Variants in RSPH4A observed in about 807,000 individuals in gnomAD.
RSPH4A encodes radial spoke head component 4A.
In RSPH4A, 47 loss-of-function variants were observed where a neutral mutation model predicts 71.0. The observed-to-expected ratio is 0.66, with a 90% CI of 0.52 to 0.84. The LOEUF is 0.84. Among genes scored for constraint, RSPH4A ranks in the 40% least tolerant of loss-of-function variants. The pLI is 0.00. For missense variants in RSPH4A, 793 were observed against 855.2 expected, an observed-to-expected ratio of 0.93 and a Z score of 0.91; for synonymous variants, 282 against 302.3, an observed-to-expected ratio of 0.93 and a Z score of 0.70.
In RSPH4A at chr6:116,632,296, A is replaced by AC. The variant is rs1400425886; in HGVS notation, c.2010dup (p.Ser671GlnfsTer10). The AC allele has an allele frequency of 3.1e-6, 5 of 1,613,348 alleles. No homozygotes were observed. The highest frequency in any genetic ancestry group is 4.5e-5 in the East Asian group (2 of 44,878). On this transcript the variant is annotated frameshift_variant, in exon 6 of 6. Transcript: ENST00000229554. LOFTEE classifies it high-confidence loss of function. ...GTTCCACCACCAGTTTATCAAGAAT[A>AC]CCCCAGTGGACCAGAAATTACAGAA... is the stretch of plus-strand genomic sequence containing the variant.
chr6:116,629,568 G>C lies in RSPH4A; in HGVS notation c.1664G>C (p.Gly555Ala). Reference protein sequence around the residue: ...VHHVQHILSQGRCNWFNSIQK... With the variant: ...VHHVQHILSQARCNWFNSIQK... ...AAATCTTGCAACATTCATTCCCAGG[G>C]TCGCTGTAATTGGTTCAACTCCATA... The change falls in exon 4 of 6, where the codon GGT becomes GCT. Residue 555 changes from glycine to alanine, a missense_variant and splice_region_variant. Transcript: ENST00000229554. 6.2e-7 allele frequency: 1 copy of C among 1,612,842 alleles called. No individual in the cohort carries two copies. The highest frequency in any genetic ancestry group is 8.5e-7 in the Non-Finnish European group (1 of 1,179,068).
In RSPH4A at chr6:116,628,346, C is replaced by T; in HGVS notation, c.1639C>T (p.His547Tyr). The change falls in exon 3 of 6, where the codon CAT becomes TAT. Residue 547 changes from histidine to tyrosine, a missense_variant. Coordinates refer to ENST00000229554, the MANE Select transcript of RSPH4A (RefSeq NM_001010892.3). ...LVESLSNWVH[H>Y]VQHILSQGRC... ...AGAATCCCTATCCAATTGGGTTCAT[C>T]ATGTACAGCATATTCTCTCTCAGGT... 1.2e-6 allele frequency: 2 copies of T among 1,612,696 alleles called. No homozygotes were observed. Among genetic ancestry groups the T allele is most frequent in the South Asian group, 2.2e-5 (2 of 91,012 alleles).
At chr6:116,618,864 A>G (rs532263849) in intron 1 of RSPH4A, among the ~76,000 whole-genome samples, 103 of 152,288 alleles carry the variant, frequency 6.8e-4, no homozygotes, top group African/African-American at 2.4e-3. Flanking sequence ...CACACTTCCA[A>G]TGCCAATTAC....
chr6:116,625,066 GTGGCTTAAGGATAA>G (rs1775672620), intron 2 of RSPH4A, among the ~76,000 whole-genome samples: 1 of 18,634 alleles, frequency 5.4e-5, no homozygotes, highest in African/African-American at 1.9e-3. Context: ...GGATAATCAA[GTGGCTTAAGGATAA>G]TCAAGTGGCT....
In RSPH4A at chr6:116,629,626, T is replaced by C. The variant is rs971551924; in HGVS notation, c.1722T>C (p.Asp574=). ...QKNEEEEEEE[D]EEKDDSDYIE... is the part of the protein sequence containing the mutation. ...ATGAGGAAGAAGAAGAGGAAGAAGA[T>C]GAAGAAAAAGACGATTCTGACTACA... Residue 574 remains aspartate (D), a synonymous_variant, in exon 4 of 6, where the codon GAT becomes GAC. Transcript: ENST00000229554. The C allele has an allele frequency of 6.2e-7, 1 of 1,612,780 alleles. No individual in the cohort carries two copies.
rs933486388 is a variant in RSPH4A at position 116,616,512 on chromosome 6, C to G, written c.-112C>G. ...AGGACGCAGCAACTCACAGAGCAACCAGGACCCAGAAATCGCTTAAGAGAC... is the reference window on the plus strand; with the variant it reads ...AGGACGCAGCAACTCACAGAGCAACGAGGACCCAGAAATCGCTTAAGAGAC... On this transcript the variant is annotated 5_prime_UTR_variant, in exon 1 of 6. Coordinates refer to ENST00000229554, the MANE Select transcript of RSPH4A (RefSeq NM_001010892.3). The G allele has an allele frequency of 2.1e-5, 20 of 947,748 alleles. No individual in the cohort carries two copies. Among genetic ancestry groups the G allele is most frequent in the Non-Finnish European group, 2.8e-5 (17 of 601,348 alleles). The allele number at this position is 947,748 out of a possible 1,614,324, so 58.7% of individuals were successfully genotyped here.
At chr6:116,629,778 G>A (rs2115364702) in intron 4 of RSPH4A, 76 bp downstream of exon 4, 2 of 1,380,674 alleles carry the variant, frequency 1.4e-6, no homozygotes, top group East Asian at 2.3e-5. Context: ...TAGTAAATAT[G>A]AGAGTCGGAA....
Position 116,616,870 on chromosome 6 carries a change from G to A in RSPH4A, c.247G>A (p.Ala83Thr). The A allele has an allele frequency of 6.2e-7, 1 of 1,614,152 alleles. No individual in the cohort carries two copies. Among genetic ancestry groups the A allele is most frequent in the South Asian group, 1.1e-5 (1 of 91,078 alleles). Residue 83 changes from alanine to threonine, a missense_variant, in exon 1 of 6, where the codon GCT (alanine) becomes ACT (threonine). By Grantham distance (58) the Ala-to-Thr change is moderately conservative (BLOSUM62 0). Transcript: ENST00000229554. ...CGCGGGACCAGAAACATCATCACCT[G>A]CTCCTGTCTCTCCGCGGGAGCCCTC... is the stretch of plus-strand genomic sequence containing the variant. ...GPAGPETSSP[A>T]PVSPREPSSS...
intron 5 of RSPH4A, 100 bp downstream of exon 5, chr6:116,630,652 G>GT (rs1775782351): frequency 1.8e-5 from 9 of 502,596 alleles, no homozygotes; most frequent in African/African-American, 1.3e-4. Context: ...TTGTTTCTTT[G>GT]GTTTTTTTTT....
intron 2 of RSPH4A, 101 bp from the exon 3 acceptor site, chr6:116,627,525 AAAG>A: frequency 1.0e-6 from 1 of 971,234 alleles, no homozygotes; most frequent in Non-Finnish European, 1.7e-6. Context: ...GAGAAATGTC[AAAG>A]AAGTGGTGGA....
rs145831200 is a variant in RSPH4A at position 116,616,860 on chromosome 6, A to G, written c.237A>G (p.Thr79=). ...TGGGTGGCCCCGCGGGACCAGAAAC[A>G]TCATCACCTGCTCCTGTCTCTCCGC... ...TPLGGPAGPE[T]SSPAPVSPRE... The change falls in exon 1 of 6, where the codon ACA becomes ACG. Residue 79 remains threonine, a synonymous_variant. Transcript: ENST00000229554. 112 of 1,613,962 alleles carry G rather than the reference A, an allele frequency of 6.9e-5. No individual in the cohort carries two copies. Among genetic ancestry groups the G allele is most frequent in the Middle Eastern group, 1.6e-4 (1 of 6,084 alleles).
chr6:116,617,216 G>A lies in RSPH4A; in HGVS notation c.593G>A (p.Gly198Glu), dbSNP rs773168644. Residue 198 changes from glycine to glutamate, a missense_variant, in exon 1 of 6, where the codon GGG becomes GAG. Coordinates refer to ENST00000229554, the MANE Select transcript of RSPH4A (RefSeq NM_001010892.3). The part of the protein sequence containing the change: ...SDYDLQQPAP[G>E]GSEVAPSMLE... The stretch of plus-strand genomic sequence containing the variant: ...TATGATTTACAGCAGCCGGCGCCTG[G>A]GGGCTCTGAAGTGGCCCCCAGCATG... 5 of 1,614,144 alleles carry A rather than the reference G, an allele frequency of 3.1e-6. No homozygotes were observed. Among genetic ancestry groups the A allele is most frequent in the East Asian group, 2.2e-5 (1 of 44,874 alleles).
chr6:116,629,939 C>T (rs1562392595), intron 4 of RSPH4A, among the ~76,000 whole-genome samples: 2 of 152,162 alleles, frequency 1.3e-5, no homozygotes, highest in Non-Finnish European at 2.9e-5. Flanking sequence ...TTGGCTGTAG[C>T]GCTTTCTGGA....
At chr6:116,629,811 C>A in intron 4 of RSPH4A, 109 bp downstream of exon 4, 2 of 1,001,922 alleles carry the variant, frequency 2.0e-6, no homozygotes, top group Non-Finnish European at 3.1e-6. Flanking sequence ...TGGACAGGAG[C>A]CAAGGTCTCA....
chr6:116,625,579 G>GA (rs1775681080), intron 2 of RSPH4A, among the ~76,000 whole-genome samples: 1 of 27,698 alleles, frequency 3.6e-5, no homozygotes, highest in Admixed American at 3.8e-4. Flanking sequence ...AATGGGGCCA[G>GA]AGGAGAACGT....
At chr6:116,624,415 C>T (rs1298055498) in intron 2 of RSPH4A, among the ~76,000 whole-genome samples, 1 of 152,106 alleles carries the variant, frequency 6.6e-6, no homozygotes, top group Admixed American at 6.5e-5. Flanking sequence ...AGAATGGGTG[C>T]CCTTTATAGG....
chr6:116,622,715 T>G, intron 1 of RSPH4A, 53 bp from the exon 2 acceptor site: 1 of 1,187,916 alleles, frequency 8.4e-7, no homozygotes, highest in South Asian at 1.3e-5. Context: ...GAAAAATGCT[T>G]CTTCAAATGC....
At chr6:116,629,996 G>A (rs1184564658) in intron 4 of RSPH4A, among the ~76,000 whole-genome samples, 1 of 152,200 alleles carries the variant, frequency 6.6e-6, no homozygotes, top group Non-Finnish European at 1.5e-5. Flanking sequence ...GCATTCTGCA[G>A]ACCATAAACA....
chr6:116,629,481 A>G, intron 3 of RSPH4A, 86 bp from the exon 4 acceptor site: 1 of 1,300,768 alleles, frequency 7.7e-7, no homozygotes, highest in Non-Finnish European at 1.1e-6. Flanking sequence ...CCACAGAGTT[A>G]CACTTCATCC....
Sources: allele counts gnomAD v4.1 joint callset (sites outside exome capture counted in the v4.1 genomes callset), GRCh38; gene constraint gnomAD v4.1.1; transcripts MANE v1.5; gene names NCBI Gene and HGNC (gene_info 2026-07-23, HGNC 2026-07-21).